The following KLF2 variants were observed in gnomAD, a reference collection of about 807,000 sequenced individuals.
KLF2 encodes the protein Krueppel-like factor 2.
KLF2 carries 9 observed loss-of-function variants against 22.2 expected under a neutral mutation model. That is an observed-to-expected ratio of 0.40 (90% confidence interval 0.24 to 0.71). The LOEUF is 0.71. Ranked by LOEUF, KLF2 falls within the 30% of genes least tolerant of loss-of-function variation. The pLI, the probability that KLF2 is intolerant of heterozygous loss-of-function variation, is 0.35. For synonymous variants in KLF2, 299 were observed against 264.2 expected, an observed-to-expected ratio of 1.13 and a Z score of -1.28; for missense variants, 481 against 542.1, an observed-to-expected ratio of 0.89 and a Z score of 1.12.
chr19:16,327,101 A>T lies in KLF2; in HGVS notation c.*70A>T, dbSNP rs540224684. 6.6e-6 allele frequency: 9 copies of T among 1,365,538 alleles called. No individual in the cohort carries two copies. In the African/African-American group the frequency reaches 8.8e-5, roughly 13 times the overall value. The allele number at this position is 1,365,538 out of a possible 1,614,324, so 84.6% of individuals were successfully genotyped here. A position where few individuals can be genotyped will look rare whatever the true frequency, so the allele number is the denominator to read the frequency against. ...CGCGCCGGGCGCGGCCCCCTCCCAA[A>T]CTGTGACTGGTATTTATTGGACCCA... On this transcript the variant is annotated 3_prime_UTR_variant, in exon 3 of 3. Transcript: ENST00000248071.
intron 2 of KLF2, 64 bp downstream of exon 2, chr19:16,326,096 A>C (rs1438455547): frequency 6.9e-7 from 1 of 1,454,988 alleles, no homozygotes; most frequent in Non-Finnish European, 9.2e-7. Context: ...TCGGATTCCC[A>C]GCGCGCGCCA....
rs1283908513 is a variant in KLF2, at chr19:16,328,374, G to A, written c.*1343G>A. Among the ~76,000 whole-genome samples, 1 of 152,076 alleles carries A rather than the reference G, an allele frequency of 6.6e-6. No individual in the cohort carries two copies. Among genetic ancestry groups the A allele is most frequent in the East Asian group, 1.9e-4 (1 of 5,194 alleles). ...CCACCCCAAGTGTCTCAGGCAAGGA[G>A]GTATCTCTCCCCCCAGATTTCACCT... On this transcript the variant is annotated 3_prime_UTR_variant, in exon 3 of 3. Transcript: ENST00000248071.
At chr19:16,326,156 A>T in intron 2 of KLF2, 124 bp downstream of exon 2, 1 of 964,970 alleles carries the variant, frequency 1.0e-6, no homozygotes, top group Middle Eastern at 3.4e-4. Context: ...GGGATCTGGC[A>T]GGTGGTGCAC....
Position 16,328,501 on chromosome 19 carries a change from G to C in KLF2, c.*1470G>C, listed in dbSNP as rs546403766. On this transcript the variant is annotated 3_prime_UTR_variant, in exon 3 of 3. Coordinates refer to ENST00000248071, the MANE Select transcript of KLF2 (RefSeq NM_016270.4). The stretch of plus-strand genomic sequence containing the variant: ...TGAAAATAGCTCGTAAGCAGCGCCT[G>C]CTTTAAAACACTCTCACCCCGTTGC... Among the ~76,000 whole-genome samples the C allele has an allele frequency of 2.2e-4, 33 of 152,212 alleles. No individual in the cohort carries two copies. The South Asian group carries it at 6.6e-3, about 31-fold the overall frequency.
rs1403468955 is a variant in KLF2, at chr19:16,328,318, C to A, written c.*1287C>A. On this transcript the variant is annotated 3_prime_UTR_variant, in exon 3 of 3. Transcript: ENST00000248071. Reference sequence around the variant, plus strand: ...AGGAGGTGACCAGTCTGGAAACCCACCTGGAGAGCAGAGGAGACCCCTAAA... The same window carrying A: ...AGGAGGTGACCAGTCTGGAAACCCAACTGGAGAGCAGAGGAGACCCCTAAA... Among the ~76,000 whole-genome samples, 1 of 152,076 alleles carries A rather than the reference C, an allele frequency of 6.6e-6. No individual in the cohort carries two copies. Among genetic ancestry groups the A allele is most frequent in the Non-Finnish European group, 1.5e-5 (1 of 68,010 alleles).
rs199587270 is a variant in KLF2 at position 16,326,844 on chromosome 19, C to T, written c.893-12C>T. 71 of 1,603,890 alleles carry T rather than the reference C, an allele frequency of 4.4e-5. No individual in the cohort carries two copies. The highest frequency in any genetic ancestry group is 5.0e-5 in the Non-Finnish European group (59 of 1,175,512). On this transcript the variant is annotated splice_polypyrimidine_tract_variant and intron_variant, in intron 2 of 2. Transcript: ENST00000248071. Reference sequence around the variant, plus strand: ...AGGGGAACTGACGCTTACTCTCGCCCCCTCCCTGCAGGTGAGAAGCCCTAC... The same window carrying T: ...AGGGGAACTGACGCTTACTCTCGCCTCCTCCCTGCAGGTGAGAAGCCCTAC...
intron 1 of KLF2, 77 bp from the exon 2 acceptor site, chr19:16,325,139 G>A (rs1378370988): frequency 3.8e-6 from 5 of 1,331,442 alleles, no homozygotes; most frequent in Non-Finnish European, 5.0e-6. Context: ...GGGGATCGCG[G>A]ACTTAGGGTG....
In KLF2 at chr19:16,326,065, G is replaced by T. The variant is rs201898491; in HGVS notation, c.892+33G>T. On this transcript the variant is annotated intron_variant, in intron 2 of 2. Coordinates refer to ENST00000248071, the MANE Select transcript of KLF2 (RefSeq NM_016270.4). The stretch of plus-strand genomic sequence containing the variant: ...GCACGCACGAGCCAGGAGCGCAGGC[G>T]GGGGGACGCGGGAGGAGAGGTCGGA... The T allele has an allele frequency of 1.6e-3, 2,403 of 1,520,666 alleles. 2 individuals carry two copies. Among genetic ancestry groups the T allele is most frequent in the Non-Finnish European group, 2.0e-3 (2,212 of 1,133,936 alleles). The allele number at this position is 1,520,666 out of a possible 1,614,324, so 94.2% of individuals were successfully genotyped here.
rs981312356 is a variant in KLF2, at chr19:16,327,464, G to C, written c.*433G>C. 2 of 154,640 alleles carry C rather than the reference G, an allele frequency of 1.3e-5. No homozygotes were observed. Among genetic ancestry groups the C allele is most frequent in the African/African-American group, 4.8e-5 (2 of 41,394 alleles). 9.6% of individuals were successfully genotyped at this position (154,640 alleles called of 1,614,324 possible). A position where few individuals can be genotyped will look rare whatever the true frequency, so the allele number is the denominator to read the frequency against. On this transcript the variant is annotated 3_prime_UTR_variant, in exon 3 of 3. Transcript: ENST00000248071. ...CAGGTGGGCATTTTTGGGCTACCTG[G>C]TTCGTTTTTATAAGATTTTGCTGGG...
intron 1 of KLF2, 76 bp downstream of exon 1, chr19:16,325,074 G>C: frequency 7.2e-7 from 1 of 1,397,144 alleles, no homozygotes; most frequent in African/African-American, 1.5e-5. Context: ...GGGCTGCGGG[G>C]TGACAGGACG....
At position 16,326,070 on chromosome 19, in the gene KLF2, G is replaced by C. The variant is rs949615420; in HGVS notation, c.892+38G>C. 3.9e-6 allele frequency: 6 copies of C among 1,519,432 alleles called. No homozygotes were observed. In the African/African-American group the frequency reaches 8.4e-5, roughly 21 times the overall value. The allele number at this position is 1,519,432 out of a possible 1,614,324, so 94.1% of individuals were successfully genotyped here. ...CACGAGCCAGGAGCGCAGGCGGGGG[G>C]ACGCGGGAGGAGAGGTCGGATTCCC... On this transcript the variant is annotated intron_variant, in intron 2 of 2. Transcript: ENST00000248071.
At position 16,325,460 on chromosome 19, in the gene KLF2, C is replaced by T; in HGVS notation, c.320C>T (p.Ala107Val). Residue 107 changes from alanine (A) to valine (V), a missense_variant, in exon 2 of 3, where the codon GCA becomes GTA. Physicochemically the swap from Ala to Val is moderately conservative, Grantham distance 64. Transcript: ENST00000248071. ...RPELDAPLGPALHGRFLLAPP... is the reference protein window; with the variant it reads ...RPELDAPLGPVLHGRFLLAPP... ...GAGCTGGATGCGCCGCTGGGGCCCG[C>T]ACTGCACGGCCGCTTTCTGCTGGCG... 7.2e-7 allele frequency: 1 copy of T among 1,394,172 alleles called. No homozygotes were observed. Among genetic ancestry groups the T allele is most frequent in the Non-Finnish European group, 9.3e-7 (1 of 1,079,440 alleles). 86.4% of individuals were successfully genotyped at this position (1,394,172 alleles called of 1,614,324 possible).
chr19:16,325,129 G>T, intron 1 of KLF2, 87 bp from the exon 2 acceptor site: 1 of 1,317,190 alleles, frequency 7.6e-7, no homozygotes, highest in Non-Finnish European at 1.0e-6. Flanking sequence ...TGCGGGCCAC[G>T]GGGATCGCGG....
Position 16,325,395 on chromosome 19 carries a change from C to G in KLF2, c.255C>G (p.Ser85Arg), listed in dbSNP as rs1410188649. The change falls in exon 2 of 3, where the codon AGC becomes AGG. Residue 85 changes from serine (S) to arginine (R), a missense_variant. By Grantham distance (110) the Ser-to-Arg change is moderately radical. Around this residue, in one of 2 missense-constraint regions of KLF2, gnomAD observed 421 missense variants for 435.1 expected, o/e 0.97. Coordinates refer to ENST00000248071, the MANE Select transcript of KLF2 (RefSeq NM_016270.4). ...AACCCGGCGCGCCCCCGCCCTACAG[C>G]GCCCCCGCGGGTGGCCTGGTGTCTG... ...YPEPGAPPPY[S>R]APAGGLVSEL... is the part of the protein sequence containing the mutation. The G allele has an allele frequency of 1.4e-6, 2 of 1,423,448 alleles. No individual in the cohort carries two copies. Among genetic ancestry groups the G allele is most frequent in the East Asian group, 2.9e-5 (1 of 34,062 alleles). 88.2% of individuals were successfully genotyped at this position (1,423,448 alleles called of 1,614,324 possible). A position where few individuals can be genotyped will look rare whatever the true frequency, so the allele number is the denominator to read the frequency against.
Position 16,327,014 on chromosome 19 carries a change from A to T in KLF2, c.1051A>T (p.Met351Leu). ...FSRSDHLALHMKRHM is the reference protein window; with the variant it reads ...FSRSDHLALHLKRHM Reference sequence around the variant, plus strand: ...GCGCTCCGATCACCTGGCGCTGCACATGAAACGGCACATGTAGCCGGGACG... The same window carrying T: ...GCGCTCCGATCACCTGGCGCTGCACTTGAAACGGCACATGTAGCCGGGACG... The change falls in exon 3 of 3, where the codon ATG becomes TTG. Residue 351 changes from methionine (M) to leucine (L), a missense_variant. Around this residue, in one of 2 missense-constraint regions of KLF2, gnomAD observed 60 missense variants for 107.0 expected, o/e 0.56. Coordinates refer to ENST00000248071, the MANE Select transcript of KLF2 (RefSeq NM_016270.4). The T allele has an allele frequency of 6.2e-7, 1 of 1,605,096 alleles. No homozygotes were observed. Among genetic ancestry groups the T allele is most frequent in the Non-Finnish European group, 8.5e-7 (1 of 1,175,972 alleles).
At position 16,325,450 on chromosome 19, in the gene KLF2, CT is replaced by C. The variant is rs1485213724; in HGVS notation, c.311del (p.Leu104ArgfsTer37). The C allele has an allele frequency of 1.4e-6, 2 of 1,414,428 alleles. No individual in the cohort carries two copies. Among genetic ancestry groups the C allele is most frequent in the South Asian group, 1.5e-5 (1 of 68,172 alleles). 87.6% of individuals were successfully genotyped at this position (1,414,428 alleles called of 1,614,324 possible). A position where few individuals can be genotyped will look rare whatever the true frequency, so the allele number is the denominator to read the frequency against. ...ELLRPELDAP[L>X]GPALHGRFLL... ...GCTGCGACCCGAGCTGGATGCGCCG[CT>C]GGGGCCCGCACTGCACGGCCGCTTT... On this transcript the variant is annotated frameshift_variant, in exon 2 of 3. Transcript: ENST00000248071. LOFTEE classifies it high-confidence loss of function.
In KLF2 at chr19:16,325,500, G is replaced by A. The variant is rs1225937517; in HGVS notation, c.360G>A (p.Leu120=). The A allele has an allele frequency of 2.2e-6, 3 of 1,341,460 alleles. No homozygotes were observed. Among genetic ancestry groups the A allele is most frequent in the Admixed American group, 7.5e-5 (2 of 26,652 alleles). The allele number at this position is 1,341,460 out of a possible 1,614,324, so 83.1% of individuals were successfully genotyped here. The change falls in exon 2 of 3, where the codon CTG becomes CTA. Residue 120 remains leucine (L), a synonymous_variant. Transcript: ENST00000248071. ...TTCTGCTGGCGCCGCCCGGCCGCCT[G>A]GTCAAGGCCGAGCCCCCTGAAGCGG... ...GRFLLAPPGR[L]VKAEPPEADG...
Position 16,326,042 on chromosome 19 carries a change from A to C in KLF2, c.892+10A>C. On this transcript the variant is annotated intron_variant, in intron 2 of 2. Transcript: ENST00000248071. ...CTGCGCACGCACACAGGTGGGCGGC[A>C]CGCACGAGCCAGGAGCGCAGGCGGG... 1 of 1,541,448 alleles carries C rather than the reference A, an allele frequency of 6.5e-7. No homozygotes were observed.
chr19:16,325,318 G>T lies in KLF2; in HGVS notation c.178G>T (p.Ala60Ser). 6.7e-7 allele frequency: 1 copy of T among 1,488,666 alleles called. No homozygotes were observed. The highest frequency in any genetic ancestry group is 8.9e-7 in the Non-Finnish European group (1 of 1,125,980). The allele number at this position is 1,488,666 out of a possible 1,614,324, so 92.2% of individuals were successfully genotyped here. A position where few individuals can be genotyped will look rare whatever the true frequency, so the allele number is the denominator to read the frequency against. Residue 60 changes from alanine (A) to serine (S), a missense_variant, in exon 2 of 3, where the codon GCC (alanine) becomes TCC (serine). By Grantham distance (99) the Ala-to-Ser change is moderately conservative. Around this residue, in one of 2 missense-constraint regions of KLF2, gnomAD observed 421 missense variants for 435.1 expected, o/e 0.97. Transcript: ENST00000248071. ...SMGLDGLGAE[A>S]APEPPPPPPP... ...GGGGCTGGATGGCCTGGGCGCCGAG[G>T]CCGCCCCGGAGCCGCCGCCGCCGCC...
Sources: gnomAD v4.1 joint callset for allele counts (sites outside exome capture counted in the v4.1 genomes callset) on GRCh38, gnomAD v4.1.1 for gene constraint, gnomAD v4.1.1 regional missense constraint, MANE v1.5 for transcripts, NCBI Gene and HGNC (gene_info 2026-07-23, HGNC 2026-07-21) for gene names.